GRM8: variants seen among roughly 807,000 people sequenced by gnomAD.
The protein encoded by GRM8 is metabotropic glutamate receptor 8.
In GRM8, 47 loss-of-function variants were observed where a neutral mutation model predicts 87.2. That is an observed-to-expected ratio of 0.54 (90% CI 0.43 to 0.69). The LOEUF is 0.69. Among genes scored for constraint, GRM8 ranks in the 30% least tolerant of loss-of-function variants. GRM8 has a pLI of 0.00. For synonymous variants in GRM8, 396 were observed against 404.5 expected (o/e 0.98, Z 0.25); for missense variants, 1,019 against 1,139.2 (o/e 0.89, Z 1.52).
At chr7:126,799,493 G>T (rs1030566016) in intron 6 of GRM8, among the ~76,000 whole-genome samples, 8 of 152,108 alleles carry the variant, frequency 5.3e-5, no homozygotes, top group Admixed American at 4.6e-4. Flanking sequence ...ATATTTATGA[G>T]TAAGGTCAGA....
intron 2 of GRM8, among the ~76,000 whole-genome samples, chr7:127,136,319 T>C (rs578183808): frequency 2.0e-4 from 31 of 152,260 alleles, no homozygotes; most frequent in South Asian, 1.9e-3. Flanking sequence ...TCTTAATTCA[T>C]TCCACAGATA....
At chr7:126,538,688 A>G (rs1178421781) in intron 8 of GRM8, among the ~76,000 whole-genome samples, 1 of 152,060 alleles carries the variant, frequency 6.6e-6, no homozygotes, top group Non-Finnish European at 1.5e-5. Context: ...AAAACTCAAT[A>G]TTTCTGACTT....
At chr7:126,940,872 C>A (rs1806847589) in intron 3 of GRM8, among the ~76,000 whole-genome samples, 1 of 152,100 alleles carries the variant, frequency 6.6e-6, no homozygotes, top group African/African-American at 2.4e-5. Context: ...GAGCCAGTGC[C>A]CACTGTGTAA....
At chr7:126,924,183 C>T (rs749056002) in intron 3 of GRM8, among the ~76,000 whole-genome samples, 3 of 152,122 alleles carry the variant, frequency 2.0e-5, no homozygotes, top group East Asian at 1.9e-4. Context: ...ACACTGAGGC[C>T]CATGCCTGGC....
intron 2 of GRM8, among the ~76,000 whole-genome samples, chr7:127,163,508 C>T (rs1454851137): frequency 1.3e-5 from 2 of 152,206 alleles, no homozygotes; most frequent in Admixed American, 6.5e-5. Context: ...GGCATGGGTG[C>T]TTCACCATCC....
intron 7 of GRM8, among the ~76,000 whole-genome samples, chr7:126,644,684 G>A (rs900360574): frequency 6.6e-6 from 1 of 152,118 alleles, no homozygotes; most frequent in Non-Finnish European, 1.5e-5. Flanking sequence ...CCCACAGTGG[G>A]GAAAGAACAA....
At chr7:126,444,207 T>C (rs1314941518) in intron 10 of GRM8, among the ~76,000 whole-genome samples, 1 of 152,064 alleles carries the variant, frequency 6.6e-6, no homozygotes, top group East Asian at 1.9e-4. Context: ...TTCAACTTCC[T>C]ACACTAATGC....
At chr7:126,864,918 C>A (rs547973905) in intron 6 of GRM8, among the ~76,000 whole-genome samples, 1 of 152,254 alleles carries the variant, frequency 6.6e-6, no homozygotes, top group Admixed American at 6.5e-5. Context: ...GGGATTCCTA[C>A]ACACTATTGT....
chr7:126,935,264 G>A (rs1190511533), intron 3 of GRM8, among the ~76,000 whole-genome samples: 1 of 151,770 alleles, frequency 6.6e-6, no homozygotes, highest in African/African-American at 2.4e-5. Flanking sequence ...GCTTTAGGTT[G>A]AAGAGGGAAA....
At chr7:126,973,854 C>T (rs554324316) in intron 3 of GRM8, among the ~76,000 whole-genome samples, 12 of 152,072 alleles carry the variant, frequency 7.9e-5, no homozygotes, top group Non-Finnish European at 1.3e-4. Flanking sequence ...AAATAAAAAA[C>T]GTCAACTATA....
At chr7:126,809,385 T>C (rs1454414787) in intron 6 of GRM8, among the ~76,000 whole-genome samples, 1 of 152,180 alleles carries the variant, frequency 6.6e-6, no homozygotes. Flanking sequence ...TGGGCTAAAA[T>C]TTCTGCTGAT....
At chr7:127,072,628 A>AC (rs201938716) in intron 3 of GRM8, among the ~76,000 whole-genome samples, 23 of 143,734 alleles carry the variant, frequency 1.6e-4, no homozygotes, top group South Asian at 4.4e-4. Flanking sequence ...GAACCCTCAT[A>AC]TTATACTTTT....
chr7:127,181,427 C>A (rs1733149990), intron 2 of GRM8, among the ~76,000 whole-genome samples: 2 of 151,954 alleles, frequency 1.3e-5, no homozygotes, highest in Admixed American at 1.3e-4. Context: ...CTGCCAAAAG[C>A]AATCTATACA....
At chr7:126,694,023 T>C (rs1809102614) in intron 7 of GRM8, among the ~76,000 whole-genome samples, 1 of 152,038 alleles carries the variant, frequency 6.6e-6, no homozygotes, top group African/African-American at 2.4e-5. Context: ...ATTATAAATA[T>C]TCAACGTATT....
intron 9 of GRM8, among the ~76,000 whole-genome samples, chr7:126,450,178 G>A (rs1337420846): frequency 1.3e-5 from 2 of 151,802 alleles, no homozygotes; most frequent in Admixed American, 6.6e-5. Context: ...AGTGAGGAGG[G>A]AGGAGATTTT....
chr7:126,886,460 C>T (rs531557143), intron 6 of GRM8, among the ~76,000 whole-genome samples: 1 of 152,166 alleles, frequency 6.6e-6, no homozygotes, highest in African/African-American at 2.4e-5. Context: ...ACAATAATCA[C>T]CAAAAACACT....
chr7:126,631,644 G>A (rs999094842), intron 7 of GRM8, among the ~76,000 whole-genome samples: 1 of 151,980 alleles, frequency 6.6e-6, no homozygotes, highest in African/African-American at 2.4e-5. Flanking sequence ...ATACTACAAG[G>A]CTACAGTAAC....
intron 2 of GRM8, among the ~76,000 whole-genome samples, chr7:127,204,657 CA>C (rs1163122586): frequency 2.0e-5 from 3 of 150,150 alleles, no homozygotes; most frequent in African/African-American, 7.5e-5. Flanking sequence ...CATTACTGTC[CA>C]AATTTTTTTT....
intron 3 of GRM8, among the ~76,000 whole-genome samples, chr7:126,961,529 G>T (rs1809320338): frequency 6.6e-6 from 1 of 152,170 alleles, no homozygotes; most frequent in Admixed American, 6.5e-5. Context: ...GTTCATTCTA[G>T]TCCTGTCAGC....
Sources: allele counts gnomAD v4.1 joint callset (sites outside exome capture counted in the v4.1 genomes callset), GRCh38; gene constraint gnomAD v4.1.1; transcripts MANE v1.5; gene names NCBI Gene and HGNC (gene_info 2026-07-23, HGNC 2026-07-21).